Variants in KDM4C observed in about 807,000 individuals in gnomAD.
KDM4C encodes lysine demethylase 4C, also known as lysine-specific demethylase 4C.
A neutral mutation model predicts 129.3 loss-of-function variants in KDM4C; 81 were observed. The observed-to-expected ratio is 0.63, with a 90% CI of 0.52 to 0.75. KDM4C has a LOEUF of 0.75. Among genes scored for constraint, KDM4C ranks in the 30% least tolerant of loss-of-function variants. KDM4C has a pLI of 0.00. For synonymous variants in KDM4C, 573 were observed against 456.1 expected, an observed-to-expected ratio of 1.26 and a Z score of -3.26; for missense variants, 1,457 against 1,304.0, an observed-to-expected ratio of 1.12 and a Z score of -1.81.
chr9:7,131,384 T>C (rs1564157546), intron 19 of KDM4C, among the ~76,000 whole-genome samples: 1 of 152,152 alleles, frequency 6.6e-6, no homozygotes, highest in East Asian at 1.9e-4. Flanking sequence ...CTTATAATAT[T>C]GTATTAGGCA....
intron 4 of KDM4C, among the ~76,000 whole-genome samples, chr9:6,844,974 C>G (rs1396265555): frequency 6.6e-6 from 1 of 152,206 alleles, no homozygotes; most frequent in African/African-American, 2.4e-5. Flanking sequence ...AGGCGTGTGC[C>G]ACTGCGCCCA....
intron 1 of KDM4C, among the ~76,000 whole-genome samples, chr9:6,731,304 A>G (rs923936277): frequency 2.0e-5 from 3 of 150,218 alleles, no homozygotes; most frequent in Admixed American, 6.7e-5. Flanking sequence ...ATTTAACAGA[A>G]GCAACTACAT....
At chr9:6,955,283 G>A (rs1263585759) in intron 8 of KDM4C, among the ~76,000 whole-genome samples, 1 of 152,196 alleles carries the variant, frequency 6.6e-6, no homozygotes, top group Non-Finnish European at 1.5e-5. Context: ...TTCCTTAGGT[G>A]GGGTAAGGCA....
intron 3 of KDM4C, among the ~76,000 whole-genome samples, chr9:6,810,971 A>AT (rs1229456885): frequency 6.6e-6 from 1 of 152,150 alleles, no homozygotes; most frequent in Non-Finnish European, 1.5e-5. Context: ...TGAAATTCAT[A>AT]TTTTTTGTAT....
At chr9:6,916,855 A>G (rs936480113) in intron 8 of KDM4C, among the ~76,000 whole-genome samples, 27 of 152,202 alleles carry the variant, frequency 1.8e-4, no homozygotes, top group African/African-American at 6.5e-4. Context: ...GCAACTTTCA[A>G]AGCAACAGCA....
chr9:7,001,606 C>T (rs955962057), intron 12 of KDM4C, among the ~76,000 whole-genome samples: 2 of 152,324 alleles, frequency 1.3e-5, no homozygotes, highest in Admixed American at 6.5e-5. Context: ...GTGATGGCCA[C>T]CCTACTTGAA....
chr9:7,171,047 C>T (rs1292299440), intron 21 of KDM4C: 1 of 152,228 alleles, frequency 6.6e-6, no homozygotes. Flanking sequence ...GACACGCTTG[C>T]CTTAAACGTT....
chr9:6,798,757 C>A lies in KDM4C; in HGVS notation c.144+5625C>A, dbSNP rs563752086. Among the ~76,000 whole-genome samples the A allele has an allele frequency of 2.0e-5, 3 of 152,328 alleles. No homozygotes were observed. In the South Asian group the frequency reaches 6.2e-4, roughly 32 times the overall value. On this transcript the variant is annotated intron_variant, in intron 2 of 21. Coordinates refer to ENST00000381309, the MANE Select transcript of KDM4C (RefSeq NM_015061.6). ...CCCGTTCTCAATGAGCTGTTGGGTA[C>A]ACCTCCCAGACGGGGTGGTGGCCGG... is the stretch of plus-strand genomic sequence containing the variant.
chr9:6,782,727 C>T (rs529939967), intron 1 of KDM4C, among the ~76,000 whole-genome samples: 7 of 152,044 alleles, frequency 4.6e-5, no homozygotes, highest in African/African-American at 9.6e-5. Context: ...CATACTGGAA[C>T]GATATTGAGC....
At chr9:7,170,408 C>A in intron 21 of KDM4C, 1 of 992,446 alleles carries the variant, frequency 1.0e-6, no homozygotes, top group Non-Finnish European at 1.2e-6. Flanking sequence ...AAGGGATAAA[C>A]AAAGCCTAAA....
intron 1 of KDM4C, among the ~76,000 whole-genome samples, chr9:6,726,195 A>T (rs1189845750): frequency 1.3e-5 from 2 of 152,170 alleles, no homozygotes; most frequent in Admixed American, 1.3e-4. Context: ...AAGTGCTGGG[A>T]TTACAGGCGT....
At chr9:7,058,329 G>A (rs1467919070) in intron 17 of KDM4C, among the ~76,000 whole-genome samples, 1 of 152,142 alleles carries the variant, frequency 6.6e-6, no homozygotes, top group Non-Finnish European at 1.5e-5. Context: ...CAAGTGCAAC[G>A]GCTGGTAAAG....
chr9:7,026,154 G>T (rs1029799569), intron 15 of KDM4C, among the ~76,000 whole-genome samples: 3 of 151,306 alleles, frequency 2.0e-5, no homozygotes, highest in African/African-American at 7.3e-5. Context: ...GCAGTGAGCC[G>T]AGATCGCACC....
intron 15 of KDM4C, among the ~76,000 whole-genome samples, chr9:7,022,310 G>C (rs1825009675): frequency 6.6e-6 from 1 of 151,866 alleles, no homozygotes; most frequent in Admixed American, 6.6e-5. Context: ...CCATTTTTTT[G>C]TTTCCTCTTC....
intron 15 of KDM4C, among the ~76,000 whole-genome samples, chr9:7,030,747 G>T (rs2132354695): frequency 6.6e-6 from 1 of 152,208 alleles, no homozygotes; most frequent in African/African-American, 2.4e-5. Flanking sequence ...TAATTCAGGA[G>T]AATTTGAATA....
chr9:6,908,760 G>A (rs1214365772), intron 8 of KDM4C, among the ~76,000 whole-genome samples: 1 of 152,120 alleles, frequency 6.6e-6, no homozygotes, highest in African/African-American at 2.4e-5. Flanking sequence ...GTCTGCCTGG[G>A]TTTGAATCCT....
intron 8 of KDM4C, among the ~76,000 whole-genome samples, chr9:6,901,116 G>C (rs1817334698): frequency 1.3e-5 from 2 of 152,164 alleles, no homozygotes; most frequent in Non-Finnish European, 2.9e-5. Context: ...TGTGTTTTCT[G>C]GCTCATGATT....
At chr9:7,169,049 T>TAAAAA (rs77258477) in intron 20 of KDM4C, among the ~76,000 whole-genome samples, 1 of 128,078 alleles carries the variant, frequency 7.8e-6, no homozygotes, top group Non-Finnish European at 1.6e-5. Context: ...TGTCTCAATT[T>TAAAAA]AAAAAAAAAA....
At chr9:7,034,192 T>G (rs556377728) in intron 15 of KDM4C, among the ~76,000 whole-genome samples, 1 of 152,348 alleles carries the variant, frequency 6.6e-6, no homozygotes, top group East Asian at 1.9e-4. Flanking sequence ...CTCAAACATT[T>G]ATCATTTCTT....
Sources: allele counts gnomAD v4.1 joint callset (sites outside exome capture counted in the v4.1 genomes callset), GRCh38; gene constraint gnomAD v4.1.1; transcripts MANE v1.5; gene names NCBI Gene and HGNC (gene_info 2026-07-23, HGNC 2026-07-21).